EXOC4: variants seen among roughly 807,000 people sequenced by gnomAD.
EXOC4 encodes the protein SEC8-like 1.
In EXOC4, 71 loss-of-function variants were observed where a neutral mutation model predicts 107.2. The ratio of observed to expected loss-of-function variants is 0.66; its 90% CI spans 0.55 to 0.81. The LOEUF is 0.81. Among genes scored for constraint, EXOC4 ranks in the 30% least tolerant of loss-of-function variants. The pLI is 0.00. For synonymous variants in EXOC4, 456 were observed against 441.2 expected (o/e 1.03, Z -0.42); for missense variants, 1,108 against 1,189.6 (o/e 0.93, Z 1.01).
At chr7:133,741,483 A>G (rs1184383662) in intron 10 of EXOC4, among the ~76,000 whole-genome samples, 3 of 152,184 alleles carry the variant, frequency 2.0e-5, no homozygotes, top group Non-Finnish European at 4.4e-5. Flanking sequence ...ATCACATGGT[A>G]TCATAATTAT....
At chr7:133,342,799 T>C (rs1034404289) in intron 5 of EXOC4, among the ~76,000 whole-genome samples, 2 of 152,188 alleles carry the variant, frequency 1.3e-5, no homozygotes, top group African/African-American at 4.8e-5. Flanking sequence ...CTTCTACTTG[T>C]TTATTTCTAT....
chr7:133,320,776 A>G (rs139589275), intron 5 of EXOC4, among the ~76,000 whole-genome samples: 229 of 152,332 alleles, frequency 1.5e-3, no homozygotes, highest in Non-Finnish European at 2.5e-3. Flanking sequence ...TTAGGACTCT[A>G]TTAATCTGGA....
chr7:133,400,783 G>T (rs1201906376), intron 7 of EXOC4, among the ~76,000 whole-genome samples: 1 of 152,084 alleles, frequency 6.6e-6, no homozygotes, highest in Non-Finnish European at 1.5e-5. Flanking sequence ...TGTGTTACGT[G>T]GTAGGTTAAT....
chr7:133,904,363 C>T (rs747122477), intron 12 of EXOC4, among the ~76,000 whole-genome samples: 2 of 152,162 alleles, frequency 1.3e-5, no homozygotes, highest in South Asian at 2.1e-4. Flanking sequence ...CCTGCGCTGT[C>T]TGTCCGTTCT....
chr7:133,383,609 G>T (rs1299882228), intron 7 of EXOC4, among the ~76,000 whole-genome samples: 2 of 152,124 alleles, frequency 1.3e-5, no homozygotes, highest in Non-Finnish European at 2.9e-5. Context: ...ACTGATCCTT[G>T]ACCTGGAGGG....
intron 7 of EXOC4, among the ~76,000 whole-genome samples, chr7:133,453,894 C>A (rs748336606): frequency 6.6e-6 from 1 of 151,996 alleles, no homozygotes; most frequent in Non-Finnish European, 1.5e-5. Context: ...ATAAAAAATG[C>A]TTCATTCATG....
chr7:134,093,037 A>C, the EXOC4 span, among the ~76,000 whole-genome samples: 1 of 152,260 alleles, frequency 6.6e-6, no homozygotes, highest in East Asian at 1.9e-4. Context: ...TAGAAATTAC[A>C]AAGCAAAAAG....
chr7:134,036,988 T>C (rs1795405086), intron 17 of EXOC4, among the ~76,000 whole-genome samples: 1 of 152,218 alleles, frequency 6.6e-6, no homozygotes, highest in Non-Finnish European at 1.5e-5. Context: ...GATTAGTGAT[T>C]ATTTATTCAT....
intron 8 of EXOC4, chr7:133,479,525 A>G (rs1799103044): frequency 6.5e-6 from 1 of 153,404 alleles, no homozygotes; most frequent in Non-Finnish European, 1.5e-5. Context: ...TTAGGGAGAG[A>G]TTATAGCTGC....
chr7:133,769,990 A>G (rs896061476), intron 10 of EXOC4, among the ~76,000 whole-genome samples: 9 of 151,882 alleles, frequency 5.9e-5, no homozygotes, highest in African/African-American at 2.2e-4. Flanking sequence ...CATGAAAGTA[A>G]TCAAATTATG....
intron 10 of EXOC4, among the ~76,000 whole-genome samples, chr7:133,813,904 G>A (rs2550992): frequency 0.98 from 149,880 of 152,250 alleles, 73,840 homozygotes; most frequent in Middle Eastern, 1. Flanking sequence ...AATATGTAAG[G>A]TTAACTGCAA....
At chr7:133,608,243 G>A (rs1235561456) in intron 9 of EXOC4, among the ~76,000 whole-genome samples, 3 of 152,076 alleles carry the variant, frequency 2.0e-5, no homozygotes, top group African/African-American at 4.8e-5. Flanking sequence ...AACAGGATGA[G>A]GAGTAAAGTG....
intron 10 of EXOC4, among the ~76,000 whole-genome samples, chr7:133,640,149 C>T (rs1475089850): frequency 2.6e-5 from 4 of 152,042 alleles, no homozygotes; most frequent in African/African-American, 9.7e-5. Flanking sequence ...TATTAGACAT[C>T]GACATAGATC....
intron 10 of EXOC4, among the ~76,000 whole-genome samples, chr7:133,710,115 T>A (rs576232724): frequency 6.6e-6 from 1 of 152,250 alleles, no homozygotes; most frequent in African/African-American, 2.4e-5. Flanking sequence ...TATGCCATAG[T>A]AGCCAGGCAT....
chr7:133,461,454 TA>T (rs1334526751), intron 7 of EXOC4, among the ~76,000 whole-genome samples: 3 of 152,206 alleles, frequency 2.0e-5, no homozygotes, highest in South Asian at 2.1e-4. Flanking sequence ...TATAGGCAAA[TA>T]TTTTTTTATA....
At chr7:134,053,496 A>G (rs1795846444) in intron 17 of EXOC4, among the ~76,000 whole-genome samples, 1 of 151,698 alleles carries the variant, frequency 6.6e-6, no homozygotes. Flanking sequence ...TTTAAATCCC[A>G]GGCAACTGGC....
intron 10 of EXOC4, among the ~76,000 whole-genome samples, chr7:133,683,663 G>C (rs1030987267): frequency 1.3e-5 from 2 of 152,146 alleles, no homozygotes; most frequent in East Asian, 1.9e-4. Context: ...AGAAAAGCAA[G>C]GAAAAAGAAA....
chr7:133,752,229 A>G (rs574141215), intron 10 of EXOC4, among the ~76,000 whole-genome samples: 2 of 152,048 alleles, frequency 1.3e-5, no homozygotes, highest in South Asian at 4.1e-4. Context: ...TTTCTGGAGG[A>G]CTCATTTATG....
chr7:134,042,018 A>G (rs1331392861), intron 17 of EXOC4, among the ~76,000 whole-genome samples: 2 of 152,116 alleles, frequency 1.3e-5, no homozygotes, highest in African/African-American at 2.4e-5. Context: ...TTGCGATCAT[A>G]TAATATGTAG....
Sources: allele counts gnomAD v4.1 joint callset (sites outside exome capture counted in the v4.1 genomes callset), GRCh38; gene constraint gnomAD v4.1.1; transcripts MANE v1.5; gene names NCBI Gene and HGNC (gene_info 2026-07-23, HGNC 2026-07-21).